Variants in PDZD2 observed in about 807,000 individuals in gnomAD.
PDZD2 encodes the protein PDZ domain-containing protein 2.
A neutral mutation model predicts 220.7 loss-of-function variants in PDZD2; 90 were observed. The ratio of observed to expected loss-of-function variants is 0.41; its 90% confidence interval spans 0.34 to 0.49. The LOEUF (loss-of-function observed/expected upper bound fraction) is 0.49, where lower values mean the gene tolerates loss of function less well. Among genes scored for constraint, PDZD2 ranks in the 20% least tolerant of loss-of-function variants. PDZD2 has a pLI of 0.28. For missense variants in PDZD2, 3,174 were observed against 3,608.5 expected (o/e 0.88, Z 3.08); for synonymous variants, 1,375 against 1,450.5 (o/e 0.95, Z 1.18).
At chr5:31,672,801 CAAA>C (rs1746263675) in intron 1 of PDZD2, among the ~76,000 whole-genome samples, 1 of 152,050 alleles carries the variant, frequency 6.6e-6, no homozygotes, top group Non-Finnish European at 1.5e-5. Context: ...TTCTCAGAGA[CAAA>C]GAAGAAGCAA....
chr5:31,703,438 G>T (rs1270036199), intron 1 of PDZD2, among the ~76,000 whole-genome samples: 1 of 151,998 alleles, frequency 6.6e-6, no homozygotes, highest in Non-Finnish European at 1.5e-5. Context: ...AGAACACATG[G>T]ACACAGGGAG....
rs1741404475 is a variant in PDZD2 at position 32,077,477 on chromosome 5, C to G, written c.3553C>G (p.Leu1185Val). ...ATTGTGCCAGGAATCTCTGGGAAAG[C>G]TGACCACTGGAGATGCTTGTGTCTC... ...GAVEKESLGKLTTGDACVSTS... is the reference protein window; with the variant it reads ...GAVEKESLGKVTTGDACVSTS... The change falls in exon 19 of 25, where the codon CTG (leucine) becomes GTG (valine). Residue 1185 changes from leucine to valine, a missense_variant. Transcript: ENST00000438447. 6.2e-7 allele frequency: 1 copy of G among 1,613,910 alleles called. No homozygotes were observed. The highest frequency in any genetic ancestry group is 2.2e-5 in the East Asian group (1 of 44,876).
chr5:31,866,097 G>T (rs997555851), intron 2 of PDZD2, among the ~76,000 whole-genome samples: 2 of 151,966 alleles, frequency 1.3e-5, no homozygotes, highest in African/African-American at 4.8e-5. Context: ...CGCCTCTCTG[G>T]CTCAAGCAGT....
At chr5:31,975,304 G>A (rs1001477661) in intron 2 of PDZD2, among the ~76,000 whole-genome samples, 1 of 152,200 alleles carries the variant, frequency 6.6e-6, no homozygotes, top group Admixed American at 6.5e-5. Flanking sequence ...AGGCAAGAGA[G>A]CATGTGCAGG....
chr5:32,058,866 T>C (rs1739397478), intron 12 of PDZD2, among the ~76,000 whole-genome samples: 1 of 152,184 alleles, frequency 6.6e-6, no homozygotes. Flanking sequence ...TGATGGAAGA[T>C]TAAACAACCA....
chr5:32,047,869 A>C (rs576891790), intron 7 of PDZD2, among the ~76,000 whole-genome samples: 1 of 152,360 alleles, frequency 6.6e-6, no homozygotes, highest in Non-Finnish European at 1.5e-5. Context: ...AGCCAGACAA[A>C]AAGCATGTGT....
At chr5:31,645,558 A>G (rs1354226450) in intron 1 of PDZD2, among the ~76,000 whole-genome samples, 1 of 151,882 alleles carries the variant, frequency 6.6e-6, no homozygotes, top group African/African-American at 2.4e-5. Flanking sequence ...GATGGTCTTG[A>G]TCTCTTGATC....
At chr5:31,868,980 A>C (rs1254126346) in intron 2 of PDZD2, among the ~76,000 whole-genome samples, 1 of 152,080 alleles carries the variant, frequency 6.6e-6, no homozygotes, top group Non-Finnish European at 1.5e-5. Flanking sequence ...GCCATGTTGC[A>C]CAGGCTGGTC....
At chr5:31,917,829 G>A (rs981128025) in intron 2 of PDZD2, among the ~76,000 whole-genome samples, 1 of 152,124 alleles carries the variant, frequency 6.6e-6, no homozygotes, top group Non-Finnish European at 1.5e-5. Flanking sequence ...TGCAGCCTCT[G>A]CCTCCCAGGT....
At chr5:31,670,973 T>A (rs1391987070) in intron 1 of PDZD2, among the ~76,000 whole-genome samples, 1 of 151,960 alleles carries the variant, frequency 6.6e-6, no homozygotes, top group East Asian at 1.9e-4. Context: ...CTCCCACCCT[T>A]ATTCCTTCAT....
intron 1 of PDZD2, among the ~76,000 whole-genome samples, chr5:31,681,195 G>A (rs556837744): frequency 1.3e-5 from 2 of 152,186 alleles, no homozygotes; most frequent in South Asian, 4.2e-4. Context: ...GAACATTAAA[G>A]GCTTATGACT....
At chr5:31,661,959 G>C (rs1465930121) in intron 1 of PDZD2, among the ~76,000 whole-genome samples, 2 of 152,156 alleles carry the variant, frequency 1.3e-5, no homozygotes, top group Non-Finnish European at 2.9e-5. Context: ...GGGTGAGGTA[G>C]CTGGCCTCTT....
intron 2 of PDZD2, among the ~76,000 whole-genome samples, chr5:31,979,579 C>A (rs1215313456): frequency 7.9e-5 from 11 of 138,576 alleles, no homozygotes; most frequent in African/African-American, 1.1e-4. Flanking sequence ...GACTCTGTCT[C>A]AAAAAAAAAA....
intron 2 of PDZD2, among the ~76,000 whole-genome samples, chr5:31,883,939 G>A (rs7716514): frequency 0.16 from 23,586 of 152,046 alleles, 5,184 homozygotes; most frequent in African/African-American, 0.49. Context: ...AAGGCCGGGC[G>A]CGGTGGCTCC....
At chr5:31,712,881 G>A (rs1191285124) in intron 1 of PDZD2, among the ~76,000 whole-genome samples, 2 of 152,218 alleles carry the variant, frequency 1.3e-5, no homozygotes. Context: ...GTGCAAGGGT[G>A]TCAGCCTAAC....
intron 2 of PDZD2, among the ~76,000 whole-genome samples, chr5:31,982,768 A>T (rs892652659): frequency 6.6e-6 from 1 of 152,216 alleles, no homozygotes; most frequent in Non-Finnish European, 1.5e-5. Context: ...GTTTTATTCC[A>T]TTGGAACTAT....
At chr5:31,868,181 C>T (rs1341625760) in intron 2 of PDZD2, among the ~76,000 whole-genome samples, 2 of 152,166 alleles carry the variant, frequency 1.3e-5, no homozygotes, top group Non-Finnish European at 2.9e-5. Flanking sequence ...CGCGGTGGCT[C>T]ATGCCTGTAA....
chr5:31,671,114 T>C (rs1393765051), intron 1 of PDZD2, among the ~76,000 whole-genome samples: 12 of 152,138 alleles, frequency 7.9e-5, no homozygotes, highest in Non-Finnish European at 1.5e-5. Flanking sequence ...CCACGATGTC[T>C]GCTACAATCC....
At chr5:32,071,516 G>C in intron 16 of PDZD2, 98 bp downstream of exon 16, 1 of 900,528 alleles carries the variant, frequency 1.1e-6, no homozygotes, top group Non-Finnish European at 1.8e-6. Context: ...CCCTGTTTCT[G>C]CCCATGAGTC....
Sources: allele counts gnomAD v4.1 joint callset (sites outside exome capture counted in the v4.1 genomes callset), GRCh38; gene constraint gnomAD v4.1.1; transcripts MANE v1.5; gene names NCBI Gene and HGNC (gene_info 2026-07-23, HGNC 2026-07-21).